The following PUM1 variants were observed in gnomAD, a reference collection of about 807,000 sequenced individuals.
PUM1 encodes the protein pumilio homolog 1.
Under a neutral mutation model 131.8 loss-of-function variants are expected in PUM1, and 13 were observed. The ratio of observed to expected loss-of-function variants is 0.10; its 90% CI spans 0.06 to 0.16. The LOEUF (loss-of-function observed/expected upper bound fraction) is 0.16. Ranked by LOEUF, PUM1 falls within the 10% of genes least tolerant of loss-of-function variation. The pLI, the probability that PUM1 is intolerant of heterozygous loss-of-function variation, is 1.00. For missense variants in PUM1, 961 were observed against 1,512.4 expected (o/e 0.64, Z 6.05); for synonymous variants, 509 against 556.5 (o/e 0.91, Z 1.20).
At chr1:31,060,827 A>G (rs1644350272) in intron 1 of PUM1, among the ~76,000 whole-genome samples, 1 of 152,010 alleles carries the variant, frequency 6.6e-6, no homozygotes, top group Admixed American at 6.6e-5. Context: ...CAGAGGTTGC[A>G]GTGAGCCAAG....
chr1:30,967,018 T>A, intron 12 of PUM1, 149 bp downstream of exon 12: 5 of 782,444 alleles, frequency 6.4e-6, no homozygotes, highest in Non-Finnish European at 9.2e-6. Flanking sequence ...CTAAGGTCAC[T>A]TATTGCTTCT....
At position 31,041,050 on chromosome 1, in the gene PUM1, A is replaced by T. The variant is rs139319365; in HGVS notation, c.364-12186T>A. Among the ~76,000 whole-genome samples, 36 of 152,344 alleles carry T rather than the reference A, an allele frequency of 2.4e-4. No individual in the cohort carries two copies. The East Asian group carries it at 6.9e-3, about 29-fold the overall frequency. On this transcript the variant is annotated intron_variant, in intron 2 of 21. Transcript: ENST00000426105. ...ATGAGCCTATCAAATAAAGCAACAT[A>T]GGTATAATCTCGGAACTATTGTCGG...
rs1639871610 is a variant in PUM1 at position 30,950,253 on chromosome 1, A to G, written c.2730T>C (p.Ser910=). The change falls in exon 17 of 22, where the codon AGT becomes AGC. Residue 910 remains serine, a synonymous_variant. Transcript: ENST00000426105. The part of the protein sequence containing the change: ...YVIQKFFEFG[S]LEQKLALAER... ...CTGCCAAAGCCAGCTTCTGTTCAAGACTGCCAAACTAGACATAATGTGTGG... is the reference window on the plus strand; with the variant it reads ...CTGCCAAAGCCAGCTTCTGTTCAAGGCTGCCAAACTAGACATAATGTGTGG... 1 of 1,613,134 alleles carries G rather than the reference A, an allele frequency of 6.2e-7. No individual in the cohort carries two copies. Among genetic ancestry groups the G allele is most frequent in the Non-Finnish European group, 8.5e-7 (1 of 1,179,638 alleles).
chr1:30,950,670 G>A (rs1026038964), intron 16 of PUM1, among the ~76,000 whole-genome samples: 2 of 152,194 alleles, frequency 1.3e-5, no homozygotes, highest in Admixed American at 6.5e-5. Context: ...GACCAGCCTC[G>A]CCAACATGGC....
chr1:30,984,148 T>A (rs1209653696), intron 7 of PUM1, among the ~76,000 whole-genome samples: 2 of 152,226 alleles, frequency 1.3e-5, no homozygotes, highest in African/African-American at 4.8e-5. Flanking sequence ...AATATCTTAG[T>A]AATTATGGTG....
intron 5 of PUM1, among the ~76,000 whole-genome samples, chr1:30,997,678 G>C (rs907823515): frequency 6.6e-6 from 1 of 152,012 alleles, no homozygotes; most frequent in African/African-American, 2.4e-5. Flanking sequence ...TCTTCTACAT[G>C]CTGACTGGCC....
chr1:31,043,345 G>A (rs1643882343), intron 2 of PUM1, among the ~76,000 whole-genome samples: 1 of 151,686 alleles, frequency 6.6e-6, no homozygotes, highest in Non-Finnish European at 1.5e-5. Context: ...TGGGATTATA[G>A]GCACCCCCCC....
intron 11 of PUM1, among the ~76,000 whole-genome samples, chr1:30,967,890 T>A (rs1186275071): frequency 6.6e-6 from 1 of 152,158 alleles, no homozygotes; most frequent in East Asian, 1.9e-4. Flanking sequence ...TGTATCTATA[T>A]AAACATGTAT....
At chr1:30,999,684 A>G (rs1642134179) in intron 5 of PUM1, among the ~76,000 whole-genome samples, 1 of 150,486 alleles carries the variant, frequency 6.6e-6, no homozygotes, top group Non-Finnish European at 1.5e-5. Context: ...TTCTATCTCA[A>G]CTGCTAACAC....
intron 3 of PUM1, among the ~76,000 whole-genome samples, chr1:31,009,962 C>T (rs145832861): frequency 2.0e-5 from 3 of 152,094 alleles, no homozygotes; most frequent in African/African-American, 7.2e-5. Flanking sequence ...TGATAGTATA[C>T]CAGGCTGTCA....
intron 14 of PUM1, among the ~76,000 whole-genome samples, chr1:30,957,084 T>TCAAACACACACA (rs1300737379): frequency 2.0e-5 from 1 of 50,608 alleles, no homozygotes; most frequent in East Asian, 7.0e-4. Flanking sequence ...ACAAGGACAT[T>TCAAACACACACA]CATACACACA....
chr1:31,042,364 G>C (rs892338174), intron 2 of PUM1, among the ~76,000 whole-genome samples: 2 of 151,834 alleles, frequency 1.3e-5, no homozygotes, highest in Non-Finnish European at 1.5e-5. Flanking sequence ...ATTGCCTCTA[G>C]ATCTCATTGA....
At chr1:30,996,449 G>A (rs561961230) in intron 5 of PUM1, among the ~76,000 whole-genome samples, 1 of 152,288 alleles carries the variant, frequency 6.6e-6, no homozygotes, top group African/African-American at 2.4e-5. Context: ...GCTCTTAAGA[G>A]ATCACTGGCC....
intron 17 of PUM1, among the ~76,000 whole-genome samples, chr1:30,945,925 A>G (rs1436633798): frequency 6.6e-6 from 1 of 151,850 alleles, no homozygotes; most frequent in Admixed American, 6.6e-5. Flanking sequence ...AGCTGGGATT[A>G]CAGGTGTGTA....
intron 5 of PUM1, among the ~76,000 whole-genome samples, chr1:30,998,119 G>A (rs1474856691): frequency 6.6e-6 from 1 of 152,158 alleles, no homozygotes; most frequent in African/African-American, 2.4e-5. Context: ...GATCTGGGAA[G>A]GTGTTATATG....
chr1:30,993,342 T>A (rs1474030598), intron 6 of PUM1, among the ~76,000 whole-genome samples: 35 of 127,054 alleles, frequency 2.8e-4, no homozygotes, highest in South Asian at 4.9e-4. Flanking sequence ...GCCTAAGATT[T>A]AAAAAAAAAA....
chr1:31,052,457 G>T (rs1392967260), intron 2 of PUM1, among the ~76,000 whole-genome samples: 1 of 151,340 alleles, frequency 6.6e-6, no homozygotes, highest in Non-Finnish European at 1.5e-5. Context: ...ACAGGCTGGA[G>T]TGCCTGAACT....
intron 2 of PUM1, among the ~76,000 whole-genome samples, chr1:31,033,930 G>A (rs183464053): frequency 5.6e-4 from 85 of 152,106 alleles, no homozygotes; most frequent in African/African-American, 1.9e-3. Flanking sequence ...ATTAGCCACC[G>A]CACCCAGCCA....
intron 10 of PUM1, among the ~76,000 whole-genome samples, chr1:30,969,316 C>CAAAAAAAAAAAAAAAAAAAAAAAAAAA (rs763999971): frequency 2.0e-5 from 1 of 51,180 alleles, no homozygotes; most frequent in African/African-American, 7.4e-5. Flanking sequence ...AACACACACA[C>CAAAAAAAAAAAAAAAAAAAAAAAAAAA]AAAAAAAAAA....
Sources: allele counts gnomAD v4.1 joint callset (sites outside exome capture counted in the v4.1 genomes callset), GRCh38; gene constraint gnomAD v4.1.1; transcripts MANE v1.5; gene names NCBI Gene and HGNC (gene_info 2026-07-23, HGNC 2026-07-21).